RTL4: variants seen among roughly 807,000 people sequenced by gnomAD.
The protein encoded by RTL4 is retrotransposon Gag like 4.
A neutral mutation model predicts 5.3 loss-of-function variants in RTL4; 4 were observed. The observed-to-expected ratio is 0.75, with a 90% CI of 0.37 to 1.72. The LOEUF (loss-of-function observed/expected upper bound fraction) is 1.72, where lower values mean the gene tolerates loss of function less well. RTL4 is among the 40% of genes most tolerant of loss of function. The probability of loss-of-function intolerance (pLI) is 0.04; values close to 1 mark genes in which losing one functional copy is unlikely to be tolerated. For missense variants in RTL4, 260 were observed against 227.1 expected (o/e 1.14, Z -0.93); for synonymous variants, 98 against 87.3 (o/e 1.12, Z -0.68).
At chrX:112,413,446 C>A in the RTL4 span, among the ~76,000 whole-genome samples, 3 of 111,675 alleles carry the variant, frequency 2.7e-5, no homozygotes, top group Non-Finnish European at 5.7e-5. Context: ...GACTTGGAAG[C>A]AACCTAAGTG....
the RTL4 span, among the ~76,000 whole-genome samples, chrX:112,197,802 T>G: frequency 1.8e-5 from 2 of 111,997 alleles, no homozygotes; most frequent in East Asian, 5.6e-4. Context: ...TTTTTGCATT[T>G]GTTTGTCTTT....
the RTL4 span, among the ~76,000 whole-genome samples, chrX:112,235,521 T>C: frequency 4.5e-5 from 5 of 112,169 alleles, no homozygotes; most frequent in Non-Finnish European, 7.5e-5. Context: ...TCTGACTATG[T>C]CTTCTGTGAA....
chrX:112,181,577 G>T, the RTL4 span, among the ~76,000 whole-genome samples: 4 of 111,801 alleles, frequency 3.6e-5, no homozygotes, highest in African/African-American at 1.3e-4. Flanking sequence ...AGCTCAAACT[G>T]CGGGGAGCCC....
At chrX:112,230,256 CA>C in the RTL4 span, among the ~76,000 whole-genome samples, 1 of 112,378 alleles carries the variant, frequency 8.9e-6, no homozygotes, top group African/African-American at 3.2e-5. Flanking sequence ...GCCTCACTGC[CA>C]CCTTGCAGTT....
chrX:112,247,982 A>G, the RTL4 span, among the ~76,000 whole-genome samples: 1 of 111,278 alleles, frequency 9.0e-6, no homozygotes, highest in Non-Finnish European at 1.9e-5. Context: ...GCATGTAAAC[A>G]GATTTGGCTA....
the RTL4 span, among the ~76,000 whole-genome samples, chrX:112,185,881 C>T: frequency 9.0e-6 from 1 of 110,836 alleles, no homozygotes; most frequent in Non-Finnish European, 1.9e-5. Flanking sequence ...TAGGAATTGA[C>T]ATTATGCAAT....
At chrX:112,105,799 G>C in the RTL4 span, among the ~76,000 whole-genome samples, 1 of 111,198 alleles carries the variant, frequency 9.0e-6, no homozygotes, top group East Asian at 2.8e-4. Context: ...AGAGTTTTCT[G>C]TATGTAAGTT....
At chrX:112,428,268 CCCTTTGGGT>C in the RTL4 span, among the ~76,000 whole-genome samples, 12 of 111,628 alleles carry the variant, frequency 1.1e-4, no homozygotes, top group African/African-American at 3.9e-4. Flanking sequence ...TGACTTCTTT[CCCTTTGGGT>C]AGATACCCAG....
the RTL4 span, among the ~76,000 whole-genome samples, chrX:112,313,015 A>G: frequency 8.4e-3 from 939 of 111,270 alleles, 9 homozygotes; most frequent in African/African-American, 0.029. Context: ...GTGCATACGT[A>G]TGTGTGTTGA....
upstream of RTL4, among the ~76,000 whole-genome samples, chrX:112,450,405 C>T (rs1926715681): frequency 8.9e-6 from 1 of 112,031 alleles, no homozygotes; most frequent in African/African-American, 3.2e-5. Flanking sequence ...AGTCTGATCC[C>T]TCAAGCCTGT....
the RTL4 span, among the ~76,000 whole-genome samples, chrX:112,188,826 G>A: frequency 9.0e-6 from 1 of 110,566 alleles, no homozygotes; most frequent in Non-Finnish European, 1.9e-5. Flanking sequence ...AAGTAATGTC[G>A]GAGTTGGGAA....
At chrX:112,280,844 T>A in the RTL4 span, among the ~76,000 whole-genome samples, 2 of 111,256 alleles carry the variant, frequency 1.8e-5, no homozygotes, top group African/African-American at 6.5e-5. Flanking sequence ...TTAACTTATT[T>A]TTATTTATTA....
chrX:112,246,874 T>C, the RTL4 span, among the ~76,000 whole-genome samples: 1 of 111,814 alleles, frequency 8.9e-6, no homozygotes, highest in African/African-American at 3.3e-5. Context: ...ATTGTTTGTA[T>C]TTATATTTAA....
the RTL4 span, among the ~76,000 whole-genome samples, chrX:112,109,343 AGAGT>A: frequency 8.9e-6 from 1 of 111,761 alleles, no homozygotes; most frequent in African/African-American, 3.3e-5. Context: ...CTGGACACAA[AGAGT>A]GAGCAACAGC....
the RTL4 span, among the ~76,000 whole-genome samples, chrX:112,296,226 A>T: frequency 6.5e-4 from 72 of 110,962 alleles, no homozygotes; most frequent in Non-Finnish European, 1.2e-3. Flanking sequence ...AAAGGACCTG[A>T]AGTTCACCAA....
the RTL4 span, among the ~76,000 whole-genome samples, chrX:112,404,915 T>G: frequency 2.7e-5 from 3 of 112,252 alleles, no homozygotes; most frequent in East Asian, 8.4e-4. Flanking sequence ...AACTTCTTTT[T>G]GCGTCAAAAT....
the RTL4 span, among the ~76,000 whole-genome samples, chrX:112,274,399 G>A: frequency 9.0e-6 from 1 of 111,685 alleles, no homozygotes; most frequent in Non-Finnish European, 1.9e-5. Flanking sequence ...AACACTTTAG[G>A]GGATTTGCAG....
At chrX:112,361,079 G>T in the RTL4 span, among the ~76,000 whole-genome samples, 1 of 111,533 alleles carries the variant, frequency 9.0e-6, no homozygotes, top group Non-Finnish European at 1.9e-5. Flanking sequence ...AACATTCACA[G>T]CACTTAAACA....
the RTL4 span, among the ~76,000 whole-genome samples, chrX:112,206,194 T>G: frequency 9.0e-6 from 1 of 111,621 alleles, no homozygotes; most frequent in African/African-American, 3.3e-5. Context: ...AGTGACAATA[T>G]TAAACAATTG....
Sources: allele counts gnomAD v4.1 joint callset (sites outside exome capture counted in the v4.1 genomes callset), GRCh38; gene constraint gnomAD v4.1.1; transcripts MANE v1.5; gene names NCBI Gene and HGNC (gene_info 2026-07-23, HGNC 2026-07-21).